The following PALS2 variants were observed in gnomAD, a reference collection of about 807,000 sequenced individuals.
PALS2 encodes the protein protein associated with LIN7 2, MAGUK p55 family member, also known as protein PALS2.
A neutral mutation model predicts 61.6 loss-of-function variants in PALS2; 27 were observed. The observed-to-expected ratio is 0.44, with a 90% CI of 0.32 to 0.60. The LOEUF is 0.60. Ranked by LOEUF, PALS2 falls within the 20% of genes least tolerant of loss-of-function variation. The probability of loss-of-function intolerance (pLI) is 0.05; values close to 1 mark genes in which losing one functional copy is unlikely to be tolerated. For missense variants in PALS2, 554 were observed against 639.4 expected (o/e 0.87, Z 1.44); for synonymous variants, 236 against 218.6 (o/e 1.08, Z -0.70).
chr7:24,652,077 GCTACCTTTATTCCTC>G (rs1316190816), intron 5 of PALS2, among the ~76,000 whole-genome samples: 2 of 152,138 alleles, frequency 1.3e-5, no homozygotes, highest in African/African-American at 4.8e-5. Context: ...TACCTCTCAG[GCTACCTTTATTCCTC>G]AGTTGGCAAC....
At chr7:24,625,897 TC>T (rs1784721287) in intron 2 of PALS2, among the ~76,000 whole-genome samples, 1 of 151,968 alleles carries the variant, frequency 6.6e-6, no homozygotes, top group Non-Finnish European at 1.5e-5. Context: ...GGGGAGGAAT[TC>T]CGCTTCCAAG....
chr7:24,602,980 A>T (rs534088593), intron 1 of PALS2, among the ~76,000 whole-genome samples: 2 of 152,236 alleles, frequency 1.3e-5, no homozygotes, highest in East Asian at 3.9e-4. Context: ...CATGATTGTA[A>T]GTTTCCTGAG....
chr7:24,608,297 G>A (rs1033330616), intron 1 of PALS2, among the ~76,000 whole-genome samples: 3 of 152,072 alleles, frequency 2.0e-5, no homozygotes, highest in African/African-American at 7.2e-5. Context: ...GTTTCACTTA[G>A]TGTTTCTAGA....
At chr7:24,649,075 G>A (rs1301944940) in intron 3 of PALS2, among the ~76,000 whole-genome samples, 1 of 151,832 alleles carries the variant, frequency 6.6e-6, no homozygotes, top group African/African-American at 2.4e-5. Context: ...ACCTTTATTG[G>A]TAATATAAAA....
chr7:24,683,246 G>A (rs1017685238), intron 11 of PALS2, among the ~76,000 whole-genome samples: 2 of 152,158 alleles, frequency 1.3e-5, no homozygotes, highest in African/African-American at 2.4e-5. Flanking sequence ...TCATCAAGTA[G>A]TTGATTATTC....
intron 2 of PALS2, among the ~76,000 whole-genome samples, chr7:24,630,243 C>A (rs778042187): frequency 6.6e-6 from 1 of 152,062 alleles, no homozygotes; most frequent in African/African-American, 2.4e-5. Context: ...AACCAAACAC[C>A]GCATGTTTTC....
In PALS2 at chr7:24,689,073, C is replaced by G. The variant is rs990047607; in HGVS notation, c.*1459C>G. 6.6e-6 allele frequency: 1 copy of G among 152,172 alleles called. No homozygotes were observed. The highest frequency in any genetic ancestry group is 2.4e-5 in the African/African-American group (1 of 41,446). 9.4% of individuals were successfully genotyped at this position (152,172 alleles called of 1,614,324 possible). On this transcript the variant is annotated 3_prime_UTR_variant, in exon 12 of 12. Coordinates refer to ENST00000222644, the MANE Select transcript of PALS2 (RefSeq NM_001303037.2). ...AAGTGATCCACCCACCTTGGCCTCC[C>G]AAAGTGCTGAGATTACAAGCATGAG...
At chr7:24,621,069 C>T (rs898211081) in intron 1 of PALS2, among the ~76,000 whole-genome samples, 1 of 152,114 alleles carries the variant, frequency 6.6e-6, no homozygotes, top group African/African-American at 2.4e-5. Context: ...AAAATTGATT[C>T]TATTGTTCCC....
intron 1 of PALS2, among the ~76,000 whole-genome samples, chr7:24,599,348 A>AT (rs1740877844): frequency 6.6e-6 from 1 of 152,068 alleles, no homozygotes; most frequent in Non-Finnish European, 1.5e-5. Context: ...TAAGAAATTT[A>AT]TTTTTTAAAT....
rs1415041948 is a variant in PALS2 at position 24,584,053 on chromosome 7, G to T, written c.-3+10460G>T. Among the ~76,000 whole-genome samples the T allele has an allele frequency of 8.7e-5, 13 of 149,064 alleles. No homozygotes were observed. The East Asian group carries it at 2.5e-3, about 28-fold the overall frequency. On this transcript the variant is annotated intron_variant, in intron 1 of 11. Transcript: ENST00000222644. ...ATATGTGCCACATTTTCTTAATCCA[G>T]TCTATCATTGTTGGACATTTGGGTT... is the stretch of plus-strand genomic sequence containing the variant.
intron 1 of PALS2, among the ~76,000 whole-genome samples, chr7:24,591,550 TC>T (rs1414923370): frequency 6.6e-6 from 1 of 152,140 alleles, no homozygotes; most frequent in Non-Finnish European, 1.5e-5. Context: ...AAATGCCATA[TC>T]CTCAGTGAAC....
Position 24,648,289 on chromosome 7 carries a change from C to CTTTT in PALS2, c.271-1306_271-1303dup, listed in dbSNP as rs1265008724. Among the ~76,000 whole-genome samples the CTTTT allele has an allele frequency of 1.3e-3, 150 of 118,740 alleles. 2 individuals are homozygous for CTTTT. In the East Asian group the frequency reaches 0.031, roughly 25 times the overall value. 77.9% of individuals were successfully genotyped at this position (118,740 alleles called of 152,430 possible). A position where few individuals can be genotyped will look rare whatever the true frequency, so the allele number is the denominator to read the frequency against. ...ATGCACAGTTGCAGTAAAAATTATT[C>CTTTT]TTTTTTTTTTTTTTTTTTTTGAGAC... On this transcript the variant is annotated intron_variant, in intron 3 of 11. Coordinates refer to ENST00000222644, the MANE Select transcript of PALS2 (RefSeq NM_001303037.2).
In PALS2 at chr7:24,618,315, C is replaced by T. The variant is rs1404175966; in HGVS notation, c.-2-5351C>T. On this transcript the variant is annotated intron_variant, in intron 1 of 11. Coordinates refer to ENST00000222644, the MANE Select transcript of PALS2 (RefSeq NM_001303037.2). This position sits in a 1 kb window ranked among gnomAD's most constrained non-coding sequence, Gnocchi z 5.1. Reference sequence around the variant, plus strand: ...GGCAGCAGGGATTGGTTTCCTTGCTCTGCAGGACCAGAGCCACAGCAGATC... The same window carrying T: ...GGCAGCAGGGATTGGTTTCCTTGCTTTGCAGGACCAGAGCCACAGCAGATC... 6.6e-6 allele frequency among the ~76,000 whole-genome samples: 1 copy of T among 152,210 alleles called. No individual in the cohort carries two copies. Among genetic ancestry groups the T allele is most frequent in the Admixed American group, 6.5e-5 (1 of 15,290 alleles).
At chr7:24,621,489 G>T (rs942944392) in intron 1 of PALS2, among the ~76,000 whole-genome samples, 1 of 152,048 alleles carries the variant, frequency 6.6e-6, no homozygotes, top group Non-Finnish European at 1.5e-5. Flanking sequence ...AGAGTCTGAA[G>T]ATAGGGAAAG....
At chr7:24,672,985 A>G (rs1787376548) in intron 9 of PALS2, among the ~76,000 whole-genome samples, 1 of 152,188 alleles carries the variant, frequency 6.6e-6, no homozygotes. Context: ...TGTCTTGTTC[A>G]TGATCTTAAG....
intron 11 of PALS2, among the ~76,000 whole-genome samples, chr7:24,685,902 C>T (rs1788176685): frequency 6.6e-6 from 1 of 152,108 alleles, no homozygotes; most frequent in African/African-American, 2.4e-5. Flanking sequence ...ACATTCATGC[C>T]ATTGTTATGC....
At chr7:24,647,151 A>C (rs1343936855) in intron 3 of PALS2, among the ~76,000 whole-genome samples, 4 of 139,662 alleles carry the variant, frequency 2.9e-5, no homozygotes, top group Non-Finnish European at 6.3e-5. Context: ...AATTTAATTA[A>C]TTTTTTTTTT....
intron 2 of PALS2, 189 bp downstream of exon 2, chr7:24,623,973 C>A: frequency 9.3e-7 from 1 of 1,078,898 alleles, no homozygotes; most frequent in Non-Finnish European, 1.3e-6. Context: ...TCTACTCTGA[C>A]TTTAAATACA....
intron 11 of PALS2, among the ~76,000 whole-genome samples, chr7:24,685,414 C>G (rs1277072085): frequency 6.6e-6 from 1 of 152,174 alleles, no homozygotes; most frequent in Non-Finnish European, 1.5e-5. Flanking sequence ...TTTGTTTCCT[C>G]CCACCCACAT....
Sources: gnomAD v4.1 joint callset for allele counts (sites outside exome capture counted in the v4.1 genomes callset) on GRCh38, gnomAD v4.1.1 for gene constraint, Gnocchi (gnomAD v3.1) non-coding constraint, MANE v1.5 for transcripts, NCBI Gene and HGNC (gene_info 2026-07-23, HGNC 2026-07-21) for gene names.